Variants in SLCO4C1 observed in about 807,000 individuals in gnomAD.
SLCO4C1 encodes organic anion transporter M1.
A neutral mutation model predicts 72.1 loss-of-function variants in SLCO4C1; 58 were observed. That is an observed-to-expected ratio of 0.80 (90% CI 0.65 to 1.00). SLCO4C1 has a LOEUF of 1.00. SLCO4C1 is among the 50% of genes least tolerant of loss of function. The pLI is 0.00. For synonymous variants in SLCO4C1, 297 were observed against 312.5 expected, an observed-to-expected ratio of 0.95 and a Z score of 0.52; for missense variants, 898 against 857.9, an observed-to-expected ratio of 1.05 and a Z score of -0.58.
intron 6 of SLCO4C1, among the ~76,000 whole-genome samples, chr5:102,259,718 C>T (rs977786897): frequency 6.6e-6 from 1 of 152,032 alleles, no homozygotes; most frequent in East Asian, 1.9e-4. Context: ...ACCTCTTTCA[C>T]AAAAGAAAAA....
chr5:102,276,348 TTCTC>T (rs1167976889), intron 2 of SLCO4C1, among the ~76,000 whole-genome samples: 6 of 152,200 alleles, frequency 3.9e-5, no homozygotes, highest in African/African-American at 1.4e-4. Flanking sequence ...CATTCAGTTA[TTCTC>T]CCACCTGAAA....
intron 1 of SLCO4C1, among the ~76,000 whole-genome samples, chr5:102,293,491 A>G (rs1749593051): frequency 6.6e-6 from 1 of 152,208 alleles, no homozygotes; most frequent in African/African-American, 2.4e-5. Context: ...CTCTGTTGTA[A>G]ATGAATGACA....
chr5:102,285,260 C>T (rs859512), intron 2 of SLCO4C1, among the ~76,000 whole-genome samples: 119,967 of 151,028 alleles, frequency 0.79, 47,967 homozygotes, highest in African/African-American at 0.89. Flanking sequence ...CACATATATA[C>T]ACACACACAC....
chr5:102,270,996 A>C (rs1480647693), intron 2 of SLCO4C1, among the ~76,000 whole-genome samples, 190 bp from the exon 3 acceptor site: 3 of 152,120 alleles, frequency 2.0e-5, no homozygotes, highest in Non-Finnish European at 4.4e-5. Flanking sequence ...CCCTCACTTT[A>C]TGAAGGCCTA....
chr5:102,277,657 G>T (rs1265900787), intron 2 of SLCO4C1, among the ~76,000 whole-genome samples: 2 of 152,048 alleles, frequency 1.3e-5, no homozygotes, highest in African/African-American at 4.8e-5. Flanking sequence ...GTCAATTGAG[G>T]CCAAGAGGTG....
At chr5:102,267,021 T>C (rs1593077) in intron 3 of SLCO4C1, among the ~76,000 whole-genome samples, 121,085 of 152,064 alleles carry the variant, frequency 0.8, 48,589 homozygotes, top group African/African-American at 0.9. Context: ...CCATTGAATT[T>C]GGCTAGCTAT....
At chr5:102,285,976 C>T (rs1283659861) in intron 2 of SLCO4C1, among the ~76,000 whole-genome samples, 3 of 152,002 alleles carry the variant, frequency 2.0e-5, no homozygotes, top group East Asian at 3.9e-4. Context: ...TCTAGGCAAG[C>T]ATTCCATTAA....
At chr5:102,292,785 T>C (rs539724511) in intron 1 of SLCO4C1, among the ~76,000 whole-genome samples, 1 of 152,256 alleles carries the variant, frequency 6.6e-6, no homozygotes, top group African/African-American at 2.4e-5. Flanking sequence ...TAACTATAAA[T>C]TGAAAATTTT....
intron 9 of SLCO4C1, among the ~76,000 whole-genome samples, chr5:102,247,878 A>C (rs1748663333): frequency 6.6e-6 from 1 of 151,674 alleles, no homozygotes; most frequent in Non-Finnish European, 1.5e-5. Context: ...CAGAGAAATC[A>C]AAGAGAAGCA....
At chr5:102,271,336 T>C (rs553552374) in intron 2 of SLCO4C1, among the ~76,000 whole-genome samples, 11 of 151,142 alleles carry the variant, frequency 7.3e-5, no homozygotes, top group Non-Finnish European at 1.2e-4. Context: ...TAATATTATA[T>C]TGTATTATAC....
chr5:102,266,213 T>C (rs1749035560), intron 3 of SLCO4C1, among the ~76,000 whole-genome samples: 1 of 152,160 alleles, frequency 6.6e-6, no homozygotes, highest in Non-Finnish European at 1.5e-5. Context: ...GTGGAGTCTT[T>C]AGATGTTTTT....
Position 102,247,260 on chromosome 5 carries a change from A to G in SLCO4C1, c.1803T>C (p.Ser601=), listed in dbSNP as rs1458746841. The change falls in exon 10 of 13, where the codon TCT becomes TCC. Residue 601 remains serine, a synonymous_variant. Transcript: ENST00000310954. The part of the protein sequence containing the change: ...TFMAGTPITV[S]ILRCVNHRQR... Reference sequence around the variant, plus strand: ...CTCAACGTGCTACATACCTTAGGATAGACACAGTTATAGGAGTACCGGCCA... The same window carrying G: ...CTCAACGTGCTACATACCTTAGGATGGACACAGTTATAGGAGTACCGGCCA... The G allele has an allele frequency of 3.9e-6, 6 of 1,535,006 alleles. No homozygotes were observed. The South Asian group carries it at 7.7e-5, about 20-fold the overall frequency.
At chr5:102,280,875 G>T (rs1038295347) in intron 2 of SLCO4C1, among the ~76,000 whole-genome samples, 1 of 152,078 alleles carries the variant, frequency 6.6e-6, no homozygotes, top group African/African-American at 2.4e-5. Flanking sequence ...TTTGAGATGA[G>T]ATTTGAGTGG....
rs140235757 is a variant in SLCO4C1, at chr5:102,258,163, G to A, written c.1129-76C>T. On this transcript the variant is annotated intron_variant, in intron 6 of 12. Coordinates refer to ENST00000310954, the MANE Select transcript of SLCO4C1 (RefSeq NM_180991.5). ...AAGTACAGAATTAGAAGGTTAGCAT[G>A]ATGAAATAACAAAATTTTACAATCA... 123 of 1,209,214 alleles carry A rather than the reference G, an allele frequency of 1.0e-4. 1 individual carries two copies. In the East Asian group the frequency reaches 3.3e-3, roughly 33 times the overall value. The allele number at this position is 1,209,214 out of a possible 1,614,324, so 74.9% of individuals were successfully genotyped here.
chr5:102,267,628 T>C lies in SLCO4C1; in HGVS notation c.802+2996A>G, dbSNP rs181450669. On this transcript the variant is annotated intron_variant, in intron 3 of 12. Coordinates refer to ENST00000310954, the MANE Select transcript of SLCO4C1 (RefSeq NM_180991.5). ...TTGTAACTCTTGTTTAGTTCTGTTA[T>C]AGTCTTTATTATTTCTTTCCTTCTA... Among the ~76,000 whole-genome samples the C allele has an allele frequency of 2.4e-4, 25 of 102,064 alleles. 1 individual carries two copies. The East Asian group carries it at 6.2e-3, about 25-fold the overall frequency. 67.0% of individuals were successfully genotyped at this position (102,064 alleles called of 152,430 possible). A position where few individuals can be genotyped will look rare whatever the true frequency, so the allele number is the denominator to read the frequency against.
chr5:102,263,285 G>C (rs1748975180), intron 4 of SLCO4C1, among the ~76,000 whole-genome samples: 1 of 152,068 alleles, frequency 6.6e-6, no homozygotes, highest in Non-Finnish European at 1.5e-5. Context: ...CATTATCAGA[G>C]TTACTATGGA....
intron 10 of SLCO4C1, among the ~76,000 whole-genome samples, chr5:102,241,008 T>C (rs1748530118): frequency 6.6e-6 from 1 of 152,146 alleles, no homozygotes; most frequent in South Asian, 2.1e-4. Context: ...AAAGAGTCAC[T>C]AGTCTTTATT....
At chr5:102,264,554 C>T (rs575381655) in intron 3 of SLCO4C1, among the ~76,000 whole-genome samples, 2 of 152,038 alleles carry the variant, frequency 1.3e-5, no homozygotes, top group African/African-American at 2.4e-5. Context: ...TACATCTATA[C>T]AATGTGTAAT....
intron 6 of SLCO4C1, among the ~76,000 whole-genome samples, chr5:102,259,162 TA>T (rs1580249672): frequency 6.6e-6 from 1 of 152,072 alleles, no homozygotes; most frequent in East Asian, 1.9e-4. Context: ...ATTCACCTAG[TA>T]AAATATATTA....
Sources: allele counts gnomAD v4.1 joint callset (sites outside exome capture counted in the v4.1 genomes callset), GRCh38; gene constraint gnomAD v4.1.1; transcripts MANE v1.5; gene names NCBI Gene and HGNC (gene_info 2026-07-23, HGNC 2026-07-21).